Variants in CACNA1I observed in about 807,000 individuals in gnomAD.
CACNA1I encodes the protein calcium voltage-gated channel subunit alpha1 I.
Under a neutral mutation model 201.6 loss-of-function variants are expected in CACNA1I, and 74 were observed. The observed-to-expected ratio is 0.37, with a 90% CI of 0.30 to 0.45. CACNA1I has a LOEUF of 0.45. Ranked by LOEUF, CACNA1I falls within the 20% of genes least tolerant of loss-of-function variation. The pLI is 1.00. For synonymous variants in CACNA1I, 1,431 were observed against 1,345.2 expected (o/e 1.06, Z -1.40); for missense variants, 2,346 against 3,138.1 (o/e 0.75, Z 6.03).
In CACNA1I at chr22:39,640,984, C is replaced by T. The variant is rs755020643; in HGVS notation, c.858C>T (p.Leu286=). The T allele has an allele frequency of 6.2e-7, 1 of 1,614,038 alleles. No individual in the cohort carries two copies. The highest frequency in any genetic ancestry group is 8.5e-7 in the Non-Finnish European group (1 of 1,179,900). ...GIMGCHEIPP[L]KEQGRECCLS... is the part of the protein sequence containing the mutation. Reference sequence around the variant, plus strand: ...TGGGCTGCCATGAGATCCCCCCGCTCAAGGAGCAGGGCCGTGAGTGCTGCC... The same window carrying T: ...TGGGCTGCCATGAGATCCCCCCGCTTAAGGAGCAGGGCCGTGAGTGCTGCC... The change falls in exon 6 of 37, where the codon CTC becomes CTT. Residue 286 remains leucine, a synonymous_variant. Transcript: ENST00000402142.
chr22:39,636,908 C>A (rs981308033), intron 5 of CACNA1I, among the ~76,000 whole-genome samples: 1 of 152,208 alleles, frequency 6.6e-6, no homozygotes, highest in Non-Finnish European at 1.5e-5. Flanking sequence ...GGGCGTAACA[C>A]GCACAGGTGG....
At chr22:39,618,334 GGT>G (rs1933620520) in intron 3 of CACNA1I, among the ~76,000 whole-genome samples, 1 of 146,386 alleles carries the variant, frequency 6.8e-6, no homozygotes, top group Admixed American at 6.8e-5. Context: ...TGATTGTGCA[GGT>G]GTGTGTTTGT....
chr22:39,588,895 T>C lies in CACNA1I; in HGVS notation c.237-9256T>C, dbSNP rs114324600. 1.9e-3 allele frequency among the ~76,000 whole-genome samples: 293 copies of C among 152,356 alleles called. 1 individual carries two copies. The highest frequency in any genetic ancestry group is 6.8e-3 in the African/African-American group (284 of 41,584). On this transcript the variant is annotated intron_variant, in intron 1 of 36. Coordinates refer to ENST00000402142, the MANE Select transcript of CACNA1I (RefSeq NM_021096.4). Reference sequence around the variant, plus strand: ...CGTTGTTTGCTCTGCTGCGTCTGGCTTCTGTTTCCCAGCAGAGATCCCTCC... The same window carrying C: ...CGTTGTTTGCTCTGCTGCGTCTGGCCTCTGTTTCCCAGCAGAGATCCCTCC...
intron 10 of CACNA1I, among the ~76,000 whole-genome samples, chr22:39,653,153 G>A (rs930756169): frequency 6.6e-5 from 10 of 150,646 alleles, no homozygotes; most frequent in Non-Finnish European, 1.2e-4. Flanking sequence ...CAGTGGCTAA[G>A]AGGGCTGACT....
intron 3 of CACNA1I, among the ~76,000 whole-genome samples, chr22:39,612,130 TGTGGGAGTGGGATGGTTATC>T (rs1405315676): frequency 6.6e-6 from 1 of 152,066 alleles, no homozygotes; most frequent in East Asian, 1.9e-4. Flanking sequence ...ATGCCATTAT[TGTGGGAGTGGGATGGTTATC>T]GTGGGAGTGG....
At chr22:39,660,516 G>A (rs1324167188) in intron 15 of CACNA1I, 79 bp downstream of exon 15, 1 of 909,656 alleles carries the variant, frequency 1.1e-6, no homozygotes, top group East Asian at 2.7e-5. Flanking sequence ...TACAGCGTCT[G>A]ACTCCACCTC....
chr22:39,584,918 CTT>C (rs1296498796), intron 1 of CACNA1I, among the ~76,000 whole-genome samples: 2 of 152,232 alleles, frequency 1.3e-5, no homozygotes, highest in Non-Finnish European at 2.9e-5. Context: ...GGCAGTGTCA[CTT>C]AGCGTCCAGC....
Position 39,686,617 on chromosome 22 carries a change from T to TATGTATGC in CACNA1I, c.*214_*215insGTATGCAT, listed in dbSNP as rs1935889770. 3 of 122,308 alleles carry TATGTATGC rather than the reference T, an allele frequency of 2.5e-5. No individual in the cohort carries two copies. The highest frequency in any genetic ancestry group is 4.9e-5 in the Non-Finnish European group (3 of 61,368). 7.6% of individuals were successfully genotyped at this position (122,308 alleles called of 1,614,324 possible). ...TCCAGTGCATATACATACATATATATATATATATGCATATATATATATATA... is the reference window on the plus strand; with the variant it reads ...TCCAGTGCATATACATACATATATATATGTATGCATATATATGCATATATATATATATA... On this transcript the variant is annotated 3_prime_UTR_variant, in exon 37 of 37. Coordinates refer to ENST00000402142, the MANE Select transcript of CACNA1I (RefSeq NM_021096.4).
intron 1 of CACNA1I, among the ~76,000 whole-genome samples, chr22:39,587,543 G>A (rs926156288): frequency 2.6e-5 from 4 of 152,242 alleles, no homozygotes; most frequent in Non-Finnish European, 5.9e-5. Flanking sequence ...TGCCATGCCT[G>A]TCTCCCGAGG....
At chr22:39,590,308 C>A (rs1191034219) in intron 1 of CACNA1I, among the ~76,000 whole-genome samples, 1 of 152,192 alleles carries the variant, frequency 6.6e-6, no homozygotes, top group African/African-American at 2.4e-5. Context: ...GGCTGGGGGA[C>A]CTTGAGGCAA....
At chr22:39,646,950 C>T in intron 8 of CACNA1I, 69 bp downstream of exon 8, 4 of 1,438,344 alleles carry the variant, frequency 2.8e-6, no homozygotes, top group East Asian at 5.0e-5. Flanking sequence ...TCCAGCACGT[C>T]CAGCAGGCCC....
At chr22:39,599,851 T>A (rs993943753) in intron 2 of CACNA1I, among the ~76,000 whole-genome samples, 1 of 152,276 alleles carries the variant, frequency 6.6e-6, no homozygotes, top group African/African-American at 2.4e-5. Context: ...GTTTGTTGAA[T>A]TGAGTTGGCT....
At chr22:39,571,087 C>T in intron 1 of CACNA1I, 99 bp downstream of exon 1, 1 of 1,086,272 alleles carries the variant, frequency 9.2e-7, no homozygotes, top group Non-Finnish European at 1.4e-6. Flanking sequence ...GGCTGGGAGA[C>T]CTGAGGTCTG....
intron 4 of CACNA1I, among the ~76,000 whole-genome samples, chr22:39,622,248 C>T (rs1933764696): frequency 6.6e-6 from 1 of 152,052 alleles, no homozygotes; most frequent in Non-Finnish European, 1.5e-5. Context: ...GTGCCAGGAC[C>T]ACAGAGCTAT....
intron 1 of CACNA1I, among the ~76,000 whole-genome samples, chr22:39,584,942 G>C (rs1334563533): frequency 6.6e-6 from 1 of 152,174 alleles, no homozygotes. Context: ...CAGCACTGGA[G>C]CTTGCTACTT....
chr22:39,642,391 C>T (rs1934372801), intron 6 of CACNA1I, among the ~76,000 whole-genome samples: 1 of 152,002 alleles, frequency 6.6e-6, no homozygotes. Flanking sequence ...CACTCCCAGG[C>T]TCCACCGAGC....
chr22:39,582,904 C>A (rs1157872978), intron 1 of CACNA1I, among the ~76,000 whole-genome samples: 2 of 150,942 alleles, frequency 1.3e-5, no homozygotes, highest in African/African-American at 4.9e-5. Context: ...ATCTATCTAA[C>A]CATCCATTCA....
chr22:39,609,391 G>A (rs1016174143), intron 3 of CACNA1I, among the ~76,000 whole-genome samples: 6 of 152,246 alleles, frequency 3.9e-5, no homozygotes, highest in African/African-American at 1.4e-4. Flanking sequence ...TGTGGCTCAG[G>A]CAAATCCTGA....
intron 11 of CACNA1I, 38 bp downstream of exon 11, chr22:39,658,341 C>A: frequency 6.3e-7 from 1 of 1,598,544 alleles, no homozygotes; most frequent in Non-Finnish European, 8.6e-7. Flanking sequence ...CAGAGTGCCT[C>A]GGGGGGACAT....
Sources: allele counts gnomAD v4.1 joint callset (sites outside exome capture counted in the v4.1 genomes callset), GRCh38; gene constraint gnomAD v4.1.1; transcripts MANE v1.5; gene names NCBI Gene and HGNC (gene_info 2026-07-23, HGNC 2026-07-21).